SUMF2: variants seen among roughly 807,000 people sequenced by gnomAD.
SUMF2 encodes inactive C-alpha-formylglycine-generating enzyme 2.
A neutral mutation model predicts 44.8 loss-of-function variants in SUMF2; 45 were observed. The observed-to-expected ratio is 1.00, with a 90% CI of 0.79 to 1.29. The LOEUF (loss-of-function observed/expected upper bound fraction) is 1.29. Among genes scored for constraint, SUMF2 ranks in the 50% most tolerant of loss-of-function variants. The probability of loss-of-function intolerance (pLI) is 0.00; values close to 1 mark genes in which losing one functional copy is unlikely to be tolerated. For synonymous variants in SUMF2, 148 were observed against 150.4 expected, an observed-to-expected ratio of 0.98 and a Z score of 0.12; for missense variants, 418 against 389.9, an observed-to-expected ratio of 1.07 and a Z score of -0.61.
At chr7:56,081,628 A>G, downstream of SUMF2, 1 of 1,613,420 alleles carries the variant, frequency 6.2e-7, no homozygotes, top group Non-Finnish European at 8.5e-7. This position sits in a 1 kb window ranked among gnomAD's most constrained non-coding sequence, Gnocchi z 4.6. Flanking sequence ...GACGCTTAGT[A>G]CCTTGAACTT....
intron 2 of SUMF2, among the ~76,000 whole-genome samples, chr7:56,069,025 C>G (rs1182624858): frequency 6.6e-6 from 1 of 151,998 alleles, no homozygotes; most frequent in African/African-American, 2.4e-5. Flanking sequence ...TTCTTAATAT[C>G]TAAAGGAAAA....
downstream of SUMF2, among the ~76,000 whole-genome samples, chr7:56,082,899 A>G (rs1796078443): frequency 6.6e-6 from 1 of 152,128 alleles, no homozygotes; most frequent in Non-Finnish European, 1.5e-5. Context: ...TAAGGTCAGG[A>G]GTTCGAGACC....
At chr7:56,073,353 CAA>C (rs1459360880) in intron 3 of SUMF2, 2 of 542,554 alleles carry the variant, frequency 3.7e-6, no homozygotes. Flanking sequence ...GAACTTGAAT[CAA>C]GAGATCACCT....
At chr7:56,082,203 T>C (rs73126331), downstream of SUMF2, 87 of 1,613,938 alleles carry the variant, frequency 5.4e-5, no homozygotes, top group Non-Finnish European at 7.1e-5. Flanking sequence ...TCCTCATTCA[T>C]GGAGCACTCG....
the SUMF2 span, among the ~76,000 whole-genome samples, chr7:56,085,741 G>A: frequency 6.6e-6 from 1 of 151,626 alleles, no homozygotes; most frequent in East Asian, 2.0e-4. Context: ...GAGGCGAGTG[G>A]ATCACTTGAG....
At chr7:56,080,951 T>C (rs1239327407), downstream of SUMF2, 3 of 1,372,060 alleles carry the variant, frequency 2.2e-6, no homozygotes, top group African/African-American at 1.4e-5. Context: ...CAGGGCCAAG[T>C]GCTCCTTCTG....
rs202049436 is a variant in SUMF2 at position 56,078,457 on chromosome 7, G to T, written c.770G>T (p.Trp257Leu). Residue 257 changes from tryptophan (W) to leucine (L), a missense_variant, in exon 8 of 9, where the codon TGG (tryptophan) becomes TTG (leucine). By Grantham distance (61) the Trp-to-Leu change is moderately conservative (BLOSUM62 -2). Transcript: ENST00000434526. ...ATGCGCGTCCTCCGGGGGGCATCCT[G>T]GATCGACACAGCTGATGGCTCTGCC... ...QDMRVLRGASWIDTADGSANH... is the reference protein window; with the variant it reads ...QDMRVLRGASLIDTADGSANH... The T allele has an allele frequency of 1.7e-5, 27 of 1,605,622 alleles. No homozygotes were observed. The highest frequency in any genetic ancestry group is 3.3e-4 in the Middle Eastern group (2 of 6,038).
chr7:56,078,091 TC>T lies in SUMF2; in HGVS notation c.592-10del. On this transcript the variant is annotated splice_polypyrimidine_tract_variant and intron_variant, in intron 6 of 8. Coordinates refer to ENST00000434526, the MANE Select transcript of SUMF2 (RefSeq NM_015411.4). Reference sequence around the variant, plus strand: ...GGTGGTAAATCCTTTACCCTTCCTTTCTCCCATCAGGGAAAGTTCCCCAAGG... The same window carrying T: ...GGTGGTAAATCCTTTACCCTTCCTTTTCCCATCAGGGAAAGTTCCCCAAGG... 1 of 1,605,450 alleles carries T rather than the reference TC, an allele frequency of 6.2e-7. No homozygotes were observed. The highest frequency in any genetic ancestry group is 8.5e-7 in the Non-Finnish European group (1 of 1,173,338).
At chr7:56,081,636 C>A (rs768900651), downstream of SUMF2, 1 of 1,613,678 alleles carries the variant, frequency 6.2e-7, no homozygotes, top group East Asian at 2.2e-5. This position sits in a 1 kb window ranked among gnomAD's most constrained non-coding sequence, Gnocchi z 4.6. Flanking sequence ...GTACCTTGAA[C>A]TTCCCCCGGG....
chr7:56,081,518 G>T, downstream of SUMF2: 1 of 1,336,194 alleles, frequency 7.5e-7, no homozygotes, highest in Non-Finnish European at 1.0e-6. The surrounding 1 kb of genome is among the most constrained non-coding windows in gnomAD (Gnocchi z 4.6). Context: ...CAGCTGGGAG[G>T]GGAGGGATGG....
intron 1 of SUMF2, among the ~76,000 whole-genome samples, chr7:56,067,341 G>T: frequency 6.6e-6 from 1 of 151,636 alleles, no homozygotes; most frequent in Non-Finnish European, 1.5e-5. Flanking sequence ...TTGAGACAGG[G>T]TCTCACTCTG....
intron 6 of SUMF2, among the ~76,000 whole-genome samples, chr7:56,077,881 G>C (rs1795666905): frequency 6.6e-6 from 1 of 151,832 alleles, no homozygotes; most frequent in South Asian, 2.1e-4. Context: ...GGAGCCCTGT[G>C]GGTACAGGGG....
In SUMF2 at chr7:56,074,627, C is replaced by T; in HGVS notation, c.426C>T (p.His142=). The change falls in exon 5 of 9, where the codon CAC becomes CAT. Residue 142 remains histidine (H), a synonymous_variant. Coordinates refer to ENST00000434526, the MANE Select transcript of SUMF2 (RefSeq NM_015411.4). ...CTGGCATCCGAGAGAGACTGGAGCA[C>T]CCAGTGTTACACGTGAGCTGGAATG... ...PGSGIRERLE[H]PVLHVSWNDA... is the part of the protein sequence containing the mutation. The T allele has an allele frequency of 6.2e-7, 1 of 1,614,176 alleles. No homozygotes were observed. The highest frequency in any genetic ancestry group is 8.5e-7 in the Non-Finnish European group (1 of 1,180,034).
chr7:56,086,614 G>A, the SUMF2 span, among the ~76,000 whole-genome samples: 64 of 152,032 alleles, frequency 4.2e-4, no homozygotes, highest in African/African-American at 1.3e-3. Context: ...TCAGCCTCCC[G>A]CGTAGCTGGG....
intron 6 of SUMF2, among the ~76,000 whole-genome samples, chr7:56,077,822 C>A (rs1182878450): frequency 4.6e-5 from 7 of 151,886 alleles, no homozygotes; most frequent in Non-Finnish European, 1.0e-4. Flanking sequence ...AGGCAGAGGG[C>A]AGGATGTTGC....
In SUMF2 at chr7:56,068,501, C is replaced by T. The variant is rs7808729; in HGVS notation, c.87C>T (p.Ser29=). ...WLKLGNGQAT[S]MVQLQGGRFL... is the part of the protein sequence containing the mutation. ...CTGCAGGAAATGGACAGGCTACTAG[C>T]ATGGTCCAACTGCAGGGTGGGAGAT... The change falls in exon 2 of 9, where the codon AGC becomes AGT. Residue 29 remains serine (S), a synonymous_variant. Transcript: ENST00000434526. 0.21 allele frequency: 337,352 copies of T among 1,612,028 alleles called. 37,006 individuals are homozygous for T. Among genetic ancestry groups the T allele is most frequent in the Middle Eastern group, 0.25 (1,514 of 6,062 alleles).
At chr7:56,072,005 A>T (rs1354319838) in intron 2 of SUMF2, among the ~76,000 whole-genome samples, 1 of 135,506 alleles carries the variant, frequency 7.4e-6, no homozygotes, top group Non-Finnish European at 1.6e-5. Flanking sequence ...CTACTGGGGA[A>T]GCTGAGGCAA....
chr7:56,068,574 G>A lies in SUMF2; in HGVS notation c.160G>A (p.Val54Met). The change falls in exon 2 of 9, where the codon GTG becomes ATG. Residue 54 changes from valine to methionine, a missense_variant. Val to Met is a conservative substitution (Grantham distance 21, BLOSUM62 1). Coordinates refer to ENST00000434526, the MANE Select transcript of SUMF2 (RefSeq NM_015411.4). ...AGACAGCAGAGATGGTGACGGGCCT[G>A]TGCGGGAGGCGACAGTGAAACCCTT... ...SPDSRDGDGP[V>M]REATVKPFAI... 1 of 1,614,016 alleles carries A rather than the reference G, an allele frequency of 6.2e-7. No homozygotes were observed. Among genetic ancestry groups the A allele is most frequent in the Non-Finnish European group, 8.5e-7 (1 of 1,179,966 alleles).
chr7:56,066,214 A>T (rs1794788452), intron 1 of SUMF2, among the ~76,000 whole-genome samples: 1 of 152,186 alleles, frequency 6.6e-6, no homozygotes, highest in Non-Finnish European at 1.5e-5. Context: ...ACATCAAAAG[A>T]CAAGGACTCT....
Sources: gnomAD v4.1 joint callset for allele counts (sites outside exome capture counted in the v4.1 genomes callset) on GRCh38, gnomAD v4.1.1 for gene constraint, Gnocchi (gnomAD v3.1) non-coding constraint, MANE v1.5 for transcripts, NCBI Gene and HGNC (gene_info 2026-07-23, HGNC 2026-07-21) for gene names.